PHF24: variants seen among roughly 807,000 people sequenced by gnomAD.
PHF24 encodes the protein PHD finger protein 24.
A neutral mutation model predicts 42.6 loss-of-function variants in PHF24; 25 were observed. That is an observed-to-expected ratio of 0.59 (90% CI 0.43 to 0.82). PHF24 has a LOEUF of 0.82. Ranked by LOEUF, PHF24 falls within the 40% of genes least tolerant of loss-of-function variation. The pLI, the probability that PHF24 is intolerant of heterozygous loss-of-function variation, is 0.00. For synonymous variants in PHF24, 185 were observed against 204.8 expected, an observed-to-expected ratio of 0.90 and a Z score of 0.83; for missense variants, 470 against 538.1, an observed-to-expected ratio of 0.87 and a Z score of 1.25.
At chr9:34,839,257 C>G in the PHF24 span, among the ~76,000 whole-genome samples, 2 of 152,176 alleles carry the variant, frequency 1.3e-5, no homozygotes, top group Non-Finnish European at 2.9e-5. Flanking sequence ...GAGATGAATG[C>G]CTGTAGAGAT....
chr9:34,777,759 G>A, the PHF24 span, among the ~76,000 whole-genome samples: 2 of 152,206 alleles, frequency 1.3e-5, no homozygotes, highest in Non-Finnish European at 2.9e-5. Context: ...CAGACCCAGC[G>A]CTGCTGAGCT....
the PHF24 span, among the ~76,000 whole-genome samples, chr9:34,880,270 T>G: frequency 7.9e-5 from 12 of 152,290 alleles, no homozygotes; most frequent in East Asian, 3.9e-4. Flanking sequence ...AGACCATCGA[T>G]GCTAGGAAGA....
At chr9:34,835,122 G>A in the PHF24 span, 4 of 1,538,372 alleles carry the variant, frequency 2.6e-6, no homozygotes, top group Non-Finnish European at 2.6e-6. Context: ...AGAGCCATAG[G>A]GTTTGGAGTT....
At chr9:34,731,675 C>A in the PHF24 span, among the ~76,000 whole-genome samples, 3 of 152,106 alleles carry the variant, frequency 2.0e-5, no homozygotes, top group African/African-American at 7.2e-5. Flanking sequence ...TGTATATGTA[C>A]CACATTTTCT....
the PHF24 span, among the ~76,000 whole-genome samples, chr9:34,900,876 A>G: frequency 6.6e-6 from 1 of 152,172 alleles, no homozygotes; most frequent in Non-Finnish European, 1.5e-5. Flanking sequence ...AGCCCTCATC[A>G]AATGCTGGTA....
intron 3 of PHF24, among the ~76,000 whole-genome samples, chr9:34,972,872 C>G (rs1342098274): frequency 6.6e-6 from 1 of 150,492 alleles, no homozygotes; most frequent in African/African-American, 2.4e-5. Context: ...CGAAATCGCG[C>G]CACTGCACTC....
At chr9:34,791,584 A>T in the PHF24 span, among the ~76,000 whole-genome samples, 7 of 2,134 alleles carry the variant, frequency 3.3e-3, no homozygotes, top group Non-Finnish European at 0.029. Context: ...TATAGATTTA[A>T]AAAAAAAAAA....
the PHF24 span, among the ~76,000 whole-genome samples, chr9:34,773,124 G>A: frequency 6.6e-6 from 1 of 151,966 alleles, no homozygotes; most frequent in Non-Finnish European, 1.5e-5. Context: ...CCAAATAGCT[G>A]GGACTACAGG....
the PHF24 span, among the ~76,000 whole-genome samples, chr9:34,777,073 G>A: frequency 6.6e-6 from 1 of 152,176 alleles, no homozygotes; most frequent in Non-Finnish European, 1.5e-5. Context: ...GGGGATGCCA[G>A]GTAAGGCAGT....
chr9:34,935,465 G>A, the PHF24 span, among the ~76,000 whole-genome samples: 1 of 151,992 alleles, frequency 6.6e-6, no homozygotes, highest in African/African-American at 2.4e-5. Context: ...ATGGTAGCAC[G>A]TGCCTGTAGT....
the PHF24 span, among the ~76,000 whole-genome samples, chr9:34,845,706 C>G: frequency 1.3e-5 from 2 of 150,808 alleles, no homozygotes; most frequent in East Asian, 1.9e-4. Flanking sequence ...CCATTAACTC[C>G]TCATTTAGCA....
chr9:34,917,952 G>A, the PHF24 span: 4 of 1,548,384 alleles, frequency 2.6e-6, no homozygotes, highest in Non-Finnish European at 3.6e-6. Context: ...TAGCACCAAG[G>A]CCATGTGGGA....
At chr9:34,971,698 G>T in intron 2 of PHF24, 22 bp downstream of exon 2, 3 of 1,581,088 alleles carry the variant, frequency 1.9e-6, no homozygotes. Flanking sequence ...GTTAGGACAG[G>T]ATCCTCAAGT....
chr9:34,819,018 G>A, the PHF24 span, among the ~76,000 whole-genome samples: 1 of 152,046 alleles, frequency 6.6e-6, no homozygotes, highest in Non-Finnish European at 1.5e-5. Context: ...GTTTCTTCTG[G>A]AGTGAACTTT....
the PHF24 span, among the ~76,000 whole-genome samples, chr9:34,768,349 CT>C: frequency 6.6e-6 from 1 of 152,150 alleles, no homozygotes; most frequent in Non-Finnish European, 1.5e-5. Context: ...TCCTTCTTTT[CT>C]GGAAAGTTAC....
chr9:34,966,022 C>G (rs561732217), intron 1 of PHF24, among the ~76,000 whole-genome samples: 5 of 152,274 alleles, frequency 3.3e-5, no homozygotes, highest in African/African-American at 1.2e-4. Flanking sequence ...GAGGCTGCCT[C>G]CAACTATTTG....
chr9:34,909,323 C>T, the PHF24 span, among the ~76,000 whole-genome samples: 1 of 152,126 alleles, frequency 6.6e-6, no homozygotes, highest in Non-Finnish European at 1.5e-5. Flanking sequence ...GTCTGCCCAA[C>T]TTGGGAGGTT....
chr9:34,972,747 C>G (rs985671967), intron 3 of PHF24, among the ~76,000 whole-genome samples: 1 of 152,066 alleles, frequency 6.6e-6, no homozygotes, highest in African/African-American at 2.4e-5. Context: ...AACCCCATCT[C>G]TACTAAAAAT....
the PHF24 span, among the ~76,000 whole-genome samples, chr9:34,840,429 CCTT>C: frequency 7.9e-5 from 12 of 151,790 alleles, no homozygotes; most frequent in East Asian, 3.9e-4. Context: ...TCCTCCTCCT[CCTT>C]CTTCTTCTCC....
Sources: allele counts gnomAD v4.1 joint callset (sites outside exome capture counted in the v4.1 genomes callset), GRCh38; gene constraint gnomAD v4.1.1; transcripts MANE v1.5; gene names NCBI Gene and HGNC (gene_info 2026-07-23, HGNC 2026-07-21).